The following RIC1 variants were observed in gnomAD, a reference collection of about 807,000 sequenced individuals.
RIC1 encodes the protein RIC1 partner of RAB6A GEF complex, also known as guanine nucleotide exchange factor subunit RIC1.
A neutral mutation model predicts 169.0 loss-of-function variants in RIC1; 88 were observed. That is an observed-to-expected ratio of 0.52 (90% CI 0.44 to 0.62). RIC1 has a LOEUF of 0.62. Among genes scored for constraint, RIC1 ranks in the 20% least tolerant of loss-of-function variants. RIC1 has a pLI of 0.00. For missense variants in RIC1, 1,877 were observed against 1,725.5 expected (o/e 1.09, Z -1.56); for synonymous variants, 790 against 601.5 (o/e 1.31, Z -4.59).
intron 2 of RIC1, among the ~76,000 whole-genome samples, chr9:5,674,266 A>G (rs1464979405): frequency 6.6e-6 from 1 of 152,218 alleles, no homozygotes; most frequent in South Asian, 2.1e-4. Context: ...TTCATAAAAA[A>G]AAAATTTAAC....
intron 1 of RIC1, among the ~76,000 whole-genome samples, chr9:5,630,344 C>T (rs10815254): frequency 0.24 from 36,381 of 152,132 alleles, 5,217 homozygotes; most frequent in East Asian, 0.54. Context: ...TTTTCCTCCC[C>T]AAAGAAGGCA....
In RIC1 at chr9:5,629,444, G is replaced by C. The variant is rs1817606676; in HGVS notation, c.135G>C (p.Trp45Cys). 1.3e-6 allele frequency: 2 copies of C among 1,531,362 alleles called. No homozygotes were observed. Among genetic ancestry groups the C allele is most frequent in the Middle Eastern group, 1.7e-4 (1 of 5,990 alleles). 94.9% of individuals were successfully genotyped at this position (1,531,362 alleles called of 1,614,324 possible). A position where few individuals can be genotyped will look rare whatever the true frequency, so the allele number is the denominator to read the frequency against. The stretch of plus-strand genomic sequence containing the variant: ...TGGCCGCGGCCCGCCTCAGCATCTG[G>C]TACAGCCGAGTAAGTAGAGCCGCCC... The part of the protein sequence containing the change: ...AVLAAARLSI[W>C]YSRPSVLIVT... Residue 45 changes from tryptophan to cysteine, a missense_variant, in exon 1 of 26, where the codon TGG (tryptophan) becomes TGC (cysteine). By Grantham distance (215) the Trp-to-Cys change is radical (BLOSUM62 -2). Around this residue, in one of 3 missense-constraint regions of RIC1, gnomAD observed 1,104 missense variants for 992.0 expected, o/e 1.11. Coordinates refer to ENST00000414202, the MANE Select transcript of RIC1 (RefSeq NM_020829.4).
At chr9:5,761,240 A>G (rs1439692301) in intron 17 of RIC1, among the ~76,000 whole-genome samples, 2 of 150,610 alleles carry the variant, frequency 1.3e-5, no homozygotes, top group Non-Finnish European at 2.9e-5. Flanking sequence ...CAGCCTCCCA[A>G]GTAGCTGGGA....
chr9:5,664,469 C>G (rs562800080), intron 2 of RIC1, among the ~76,000 whole-genome samples: 2 of 151,950 alleles, frequency 1.3e-5, no homozygotes, highest in South Asian at 2.1e-4. Context: ...AGGGTTTTCA[C>G]TGAGAGGTCT....
Position 5,738,558 on chromosome 9 carries a change from T to A in RIC1, c.901+20T>A, listed in dbSNP as rs1563939606. ...ATCCTGGTGAGTCTTTTTTTTTTTT[T>A]TTTTTTTTAACATTTTTAATGTACT... is the stretch of plus-strand genomic sequence containing the variant. On this transcript the variant is annotated intron_variant, in intron 8 of 25. Transcript: ENST00000414202. 2 of 1,487,956 alleles carry A rather than the reference T, an allele frequency of 1.3e-6. No individual in the cohort carries two copies. The highest frequency in any genetic ancestry group is 1.8e-6 in the Non-Finnish European group (2 of 1,105,068). The allele number at this position is 1,487,956 out of a possible 1,614,324, so 92.2% of individuals were successfully genotyped here. A position where few individuals can be genotyped will look rare whatever the true frequency, so the allele number is the denominator to read the frequency against.
At chr9:5,710,324 A>G (rs574190602) in intron 3 of RIC1, among the ~76,000 whole-genome samples, 12 of 152,302 alleles carry the variant, frequency 7.9e-5, no homozygotes, top group African/African-American at 2.9e-4. Context: ...TATGTATTAT[A>G]TTTAACAGAA....
chr9:5,757,594 A>C, intron 17 of RIC1, 143 bp downstream of exon 17: 1 of 780,212 alleles, frequency 1.3e-6, no homozygotes, highest in Non-Finnish European at 2.0e-6. Flanking sequence ...GCAGTGGCAA[A>C]TTAAAAAGAC....
chr9:5,634,943 G>A (rs1817898672), intron 1 of RIC1, among the ~76,000 whole-genome samples: 1 of 151,928 alleles, frequency 6.6e-6, no homozygotes, highest in Admixed American at 6.6e-5. Flanking sequence ...TTTGATACAG[G>A]ACTATAGTCA....
At position 5,720,784 on chromosome 9, in the gene RIC1, A is replaced by T. The variant is rs764558110; in HGVS notation, c.720+34A>T. 4.6e-6 allele frequency: 7 copies of T among 1,512,998 alleles called. No homozygotes were observed. The African/African-American group carries it at 9.9e-5, about 21-fold the overall frequency. The allele number at this position is 1,512,998 out of a possible 1,614,324, so 93.7% of individuals were successfully genotyped here. A position where few individuals can be genotyped will look rare whatever the true frequency, so the allele number is the denominator to read the frequency against. On this transcript the variant is annotated intron_variant, in intron 6 of 25. Transcript: ENST00000414202. ...TATTTACTTTGAAGGGTTTTTTGTTATTGTGTACTTATTTTATTCTTTGTT... is the reference window on the plus strand; with the variant it reads ...TATTTACTTTGAAGGGTTTTTTGTTTTTGTGTACTTATTTTATTCTTTGTT...
At chr9:5,681,866 G>T (rs982399534) in intron 2 of RIC1, among the ~76,000 whole-genome samples, 1 of 152,140 alleles carries the variant, frequency 6.6e-6, no homozygotes, top group Non-Finnish European at 1.5e-5. Flanking sequence ...TATATATTTA[G>T]GATAGTTAGC....
At chr9:5,698,907 G>C (rs544278783) in intron 3 of RIC1, among the ~76,000 whole-genome samples, 1 of 152,174 alleles carries the variant, frequency 6.6e-6, no homozygotes, top group African/African-American at 2.4e-5. Context: ...CGAGGTTTTA[G>C]AGTGAACTAG....
chr9:5,689,181 T>C (rs965857056), intron 2 of RIC1, among the ~76,000 whole-genome samples: 4 of 151,042 alleles, frequency 2.6e-5, no homozygotes, highest in Non-Finnish European at 4.4e-5. Flanking sequence ...CCTGAGTAGC[T>C]GGGATTACAG....
At position 5,775,150 on chromosome 9, in the gene RIC1, C is replaced by T. The variant is rs1323738253; in HGVS notation, c.*904C>T. The T allele has an allele frequency of 1.3e-5, 2 of 152,166 alleles. No homozygotes were observed. The highest frequency in any genetic ancestry group is 6.5e-5 in the Admixed American group (1 of 15,270). The allele number at this position is 152,166 out of a possible 1,614,324, so 9.4% of individuals were successfully genotyped here. On this transcript the variant is annotated 3_prime_UTR_variant, in exon 26 of 26. Transcript: ENST00000414202. ...TCATGAAGTAACAGAAATGGTCACACTGATCATGAAATGCAGCAAGTTTTG... is the reference window on the plus strand; with the variant it reads ...TCATGAAGTAACAGAAATGGTCACATTGATCATGAAATGCAGCAAGTTTTG...
At chr9:5,696,587 A>T (rs1047689792) in intron 3 of RIC1, among the ~76,000 whole-genome samples, 1 of 149,596 alleles carries the variant, frequency 6.7e-6, no homozygotes, top group African/African-American at 2.5e-5. Context: ...TAATTCATCA[A>T]TACCTTCTTA....
intron 1 of RIC1, among the ~76,000 whole-genome samples, chr9:5,636,480 C>T (rs961940334): frequency 1.3e-5 from 2 of 151,910 alleles, no homozygotes; most frequent in Non-Finnish European, 1.5e-5. Context: ...CCACCATACC[C>T]GGCTAATTTT....
intron 3 of RIC1, among the ~76,000 whole-genome samples, chr9:5,710,783 G>A (rs192261195): frequency 1.5e-3 from 231 of 152,108 alleles, no homozygotes; most frequent in African/African-American, 4.9e-3. Context: ...CGGGGGGAGT[G>A]GATGAGAAAA....
At chr9:5,707,888 A>G (rs538538292) in intron 3 of RIC1, among the ~76,000 whole-genome samples, 3 of 152,196 alleles carry the variant, frequency 2.0e-5, no homozygotes, top group East Asian at 1.9e-4. Context: ...ACTTACTGAT[A>G]AAGAAGGATT....
At chr9:5,751,971 A>G (rs1825749637) in intron 12 of RIC1, among the ~76,000 whole-genome samples, 1 of 152,242 alleles carries the variant, frequency 6.6e-6, no homozygotes, top group African/African-American at 2.4e-5. Flanking sequence ...ATAAATTTGA[A>G]CAGATCGAAG....
At chr9:5,768,908 A>G in intron 21 of RIC1, 62 bp from the exon 22 acceptor site, 1 of 1,515,614 alleles carries the variant, frequency 6.6e-7, no homozygotes, top group Non-Finnish European at 8.9e-7. Context: ...CCTCTGCGTA[A>G]TAAGGATGTG....
Sources: allele counts gnomAD v4.1 joint callset (sites outside exome capture counted in the v4.1 genomes callset), GRCh38; gene constraint gnomAD v4.1.1; regional missense constraint gnomAD v4.1.1; transcripts MANE v1.5; gene names NCBI Gene and HGNC (gene_info 2026-07-23, HGNC 2026-07-21).